TRPM3: variants seen among roughly 807,000 people sequenced by gnomAD.
The protein encoded by TRPM3 is long transient receptor potential channel 3.
A neutral mutation model predicts 181.2 loss-of-function variants in TRPM3; 77 were observed. The ratio of observed to expected loss-of-function variants is 0.42; its 90% CI spans 0.35 to 0.51. The LOEUF (loss-of-function observed/expected upper bound fraction) is 0.51, where lower values mean the gene tolerates loss of function less well. TRPM3 is among the 20% of genes least tolerant of loss of function. The pLI is 0.01. For synonymous variants in TRPM3, 745 were observed against 796.4 expected (o/e 0.94, Z 1.09); for missense variants, 1,759 against 2,196.7 (o/e 0.80, Z 3.98).
intron 1 of TRPM3, among the ~76,000 whole-genome samples, chr9:71,302,429 C>T (rs555430631): frequency 3.1e-4 from 47 of 152,218 alleles, no homozygotes; most frequent in Admixed American, 7.2e-4. Flanking sequence ...AAAACAAATA[C>T]GCAAGATCTG....
intron 20 of TRPM3, among the ~76,000 whole-genome samples, chr9:70,601,910 C>T (rs2060059822): frequency 6.6e-6 from 1 of 152,186 alleles, no homozygotes; most frequent in South Asian, 2.1e-4. Context: ...GCTCGAGTGC[C>T]AGCTGGCACA....
chr9:71,291,337 C>G (rs1339612981), intron 1 of TRPM3, among the ~76,000 whole-genome samples: 2 of 152,144 alleles, frequency 1.3e-5, no homozygotes, highest in East Asian at 1.9e-4. Context: ...GGAAAGTAAC[C>G]TGATGTTAAC....
chr9:71,206,231 A>G (rs1261866439), intron 1 of TRPM3, among the ~76,000 whole-genome samples: 1 of 152,236 alleles, frequency 6.6e-6, no homozygotes. Context: ...AAGCTTTCCT[A>G]TTTCTCCACA....
At chr9:71,217,719 G>A (rs2079982236) in intron 1 of TRPM3, among the ~76,000 whole-genome samples, 2 of 152,150 alleles carry the variant, frequency 1.3e-5, no homozygotes, top group African/African-American at 4.8e-5. Context: ...ATTCTGCTCT[G>A]GGGAAAGTGA....
intron 1 of TRPM3, among the ~76,000 whole-genome samples, chr9:71,381,024 C>A (rs1396487823): frequency 6.6e-6 from 1 of 152,046 alleles, no homozygotes; most frequent in East Asian, 1.9e-4. Flanking sequence ...TTAAGATAAG[C>A]AAGTGTGAGA....
intron 6 of TRPM3, among the ~76,000 whole-genome samples, chr9:70,803,064 G>T (rs1037299235): frequency 2.2e-5 from 2 of 92,298 alleles, no homozygotes; most frequent in East Asian, 3.5e-4. Flanking sequence ...AAAAAACAAA[G>T]GCCCAACTCC....
chr9:70,770,447 T>C (rs2130545907), intron 7 of TRPM3, among the ~76,000 whole-genome samples: 1 of 152,342 alleles, frequency 6.6e-6, no homozygotes, highest in East Asian at 1.9e-4. Flanking sequence ...TTGGTGGTTT[T>C]GACAACACAA....
At chr9:70,750,730 G>C (rs980128241) in intron 8 of TRPM3, among the ~76,000 whole-genome samples, 1 of 152,160 alleles carries the variant, frequency 6.6e-6, no homozygotes, top group Non-Finnish European at 1.5e-5. Context: ...AAAATGAAAC[G>C]AGAATTGGAA....
chr9:71,370,933 G>A (rs374036414), intron 1 of TRPM3, among the ~76,000 whole-genome samples: 1 of 152,076 alleles, frequency 6.6e-6, no homozygotes, highest in South Asian at 2.1e-4. Flanking sequence ...AAAATCCTAG[G>A]TTGCTTAAGA....
At chr9:71,410,479 C>T (rs185162296) in intron 1 of TRPM3, among the ~76,000 whole-genome samples, 355 of 152,238 alleles carry the variant, frequency 2.3e-3, no homozygotes, top group African/African-American at 8.4e-3. Context: ...ACTATAAACA[C>T]CTCTATGCAA....
chr9:70,549,043 T>G (rs1294337465), intron 25 of TRPM3, among the ~76,000 whole-genome samples: 1 of 152,224 alleles, frequency 6.6e-6, no homozygotes, highest in East Asian at 1.9e-4. Flanking sequence ...AAAACAATTC[T>G]GGGGAAAAAT....
Position 70,536,770 on chromosome 9 carries a change from G to T in TRPM3, c.4343C>A (p.Pro1448His). ...LGEPSFSTPV[P>H]STAPSSSAYA... ...GGCACTACTTGAAGGGGCTGTGGAA[G>T]GTACTGGAGTTGAAAAGCTTGGCTC... Residue 1448 changes from proline (P) to histidine (H), a missense_variant, in exon 26 of 26, where the codon CCT (proline) becomes CAT (histidine). Coordinates refer to ENST00000677713, the MANE Select transcript of TRPM3 (RefSeq NM_001366145.2). The T allele has an allele frequency of 6.2e-7, 1 of 1,614,210 alleles. No individual in the cohort carries two copies.
chr9:71,342,503 C>T (rs77972335), intron 1 of TRPM3, among the ~76,000 whole-genome samples: 9 of 151,418 alleles, frequency 5.9e-5, no homozygotes, highest in East Asian at 1.9e-4. Context: ...CTCCATGAAG[C>T]GATATGAAAT....
chr9:71,321,546 A>G (rs1364054743), intron 1 of TRPM3, among the ~76,000 whole-genome samples: 1 of 152,186 alleles, frequency 6.6e-6, no homozygotes, highest in Non-Finnish European at 1.5e-5. Flanking sequence ...GTCCTAGAAT[A>G]TAAGATGTAA....
At chr9:71,095,464 T>G (rs2066986114) in intron 1 of TRPM3, among the ~76,000 whole-genome samples, 1 of 151,920 alleles carries the variant, frequency 6.6e-6, no homozygotes, top group South Asian at 2.1e-4. Flanking sequence ...AAATTACCTC[T>G]TAAAGAATTT....
intron 1 of TRPM3, among the ~76,000 whole-genome samples, chr9:71,157,456 C>T (rs896774815): frequency 6.6e-6 from 1 of 152,090 alleles, no homozygotes; most frequent in Admixed American, 6.6e-5. Flanking sequence ...GTCACCTGAA[C>T]ATACAGGTAG....
intron 1 of TRPM3, among the ~76,000 whole-genome samples, chr9:71,158,102 G>T (rs1224017516): frequency 6.6e-6 from 1 of 152,088 alleles, no homozygotes; most frequent in Non-Finnish European, 1.5e-5. Flanking sequence ...ACATAGCTTA[G>T]ACTATTAATC....
intron 1 of TRPM3, among the ~76,000 whole-genome samples, chr9:70,986,190 CA>C (rs1358799984): frequency 6.6e-6 from 1 of 151,342 alleles, no homozygotes; most frequent in Admixed American, 6.6e-5. Context: ...CCATCTTTAC[CA>C]AAAAAAATTA....
Position 70,536,920 on chromosome 9 carries a change from G to A in TRPM3, c.4193C>T (p.Thr1398Ile), listed in dbSNP as rs755551877. ...TCTGGAATCAGGAACAATGGCCAAG[G>A]TGTTGGCAGGGGCTGCAGGAGCTTT... is the stretch of plus-strand genomic sequence containing the variant. ...EPKAPAAPAN[T>I]LAIVPDSRRP... is the part of the protein sequence containing the mutation. Residue 1398 changes from threonine to isoleucine, a missense_variant, in exon 26 of 26, where the codon ACC (threonine) becomes ATC (isoleucine). Thr to Ile is a moderately conservative substitution (Grantham distance 89). Coordinates refer to ENST00000677713, the MANE Select transcript of TRPM3 (RefSeq NM_001366145.2). 2 of 1,614,246 alleles carry A rather than the reference G, an allele frequency of 1.2e-6. No individual in the cohort carries two copies. The highest frequency in any genetic ancestry group is 1.3e-5 in the African/African-American group (1 of 75,050).
Sources: allele counts gnomAD v4.1 joint callset (sites outside exome capture counted in the v4.1 genomes callset), GRCh38; gene constraint gnomAD v4.1.1; transcripts MANE v1.5; gene names NCBI Gene and HGNC (gene_info 2026-07-23, HGNC 2026-07-21).